Variants in PC observed in about 807,000 individuals in gnomAD.
PC encodes pyruvate carboxylase, mitochondrial.
Under a neutral mutation model 107.8 loss-of-function variants are expected in PC, and 46 were observed. The observed-to-expected ratio is 0.43, with a 90% CI of 0.34 to 0.55. The LOEUF (loss-of-function observed/expected upper bound fraction) is 0.55, where lower values mean the gene tolerates loss of function less well. Among genes scored for constraint, PC ranks in the 20% least tolerant of loss-of-function variants. PC has a pLI of 0.04. For synonymous variants in PC, 662 were observed against 684.7 expected, an observed-to-expected ratio of 0.97 and a Z score of 0.52; for missense variants, 1,241 against 1,643.1, an observed-to-expected ratio of 0.76 and a Z score of 4.23.
At position 66,870,260 on chromosome 11, in the gene PC, G is replaced by A; in HGVS notation, c.903+42C>T. 1 of 1,609,562 alleles carries A rather than the reference G, an allele frequency of 6.2e-7. No homozygotes were observed. The highest frequency in any genetic ancestry group is 8.5e-7 in the Non-Finnish European group (1 of 1,179,636). On this transcript the variant is annotated intron_variant, in intron 9 of 22. Coordinates refer to ENST00000393960, the MANE Select transcript of PC (RefSeq NM_001040716.2). This position sits in a 1 kb window ranked among gnomAD's most constrained non-coding sequence, Gnocchi z 6.1. ...CCCACTGTGAGGCCTGCCGGCCTGT[G>A]AGCACAGGCTCCTGTCCCAACACGG...
chr11:66,873,256 C>T (rs1406963893), intron 3 of PC, among the ~76,000 whole-genome samples: 2 of 145,048 alleles, frequency 1.4e-5, no homozygotes, highest in African/African-American at 5.2e-5. Context: ...ATGAGAATCA[C>T]TTGAGCCTGG....
Position 66,942,545 on chromosome 11 carries a change from G to A in PC, c.-1+9885C>T, listed in dbSNP as rs1442990296. Among the ~76,000 whole-genome samples the A allele has an allele frequency of 5.3e-5, 8 of 152,298 alleles. No individual in the cohort carries two copies. In the East Asian group the frequency reaches 9.6e-4, roughly 18 times the overall value. The stretch of plus-strand genomic sequence containing the variant: ...GGTGCCTAGAGCAGTCCAATTCAGA[G>A]ACAGAAAGTAGAATGGTGGGTGCCA... On this transcript the variant is annotated intron_variant, in intron 3 of 22. Coordinates refer to ENST00000393960, the MANE Select transcript of PC (RefSeq NM_001040716.2).
Position 66,858,457 on chromosome 11 carries a change from G to A in PC, c.1369-5074C>T, listed in dbSNP as rs1187936493. The stretch of plus-strand genomic sequence containing the variant: ...AGCTTTAGCGGGAACCCCCTGCACT[G>A]CAACTGTGAGCTGCTGTGGCTGCGG... On this transcript the variant is annotated intron_variant, in intron 12 of 22. Coordinates refer to ENST00000393960, the MANE Select transcript of PC (RefSeq NM_001040716.2). This position sits in a 1 kb window ranked among gnomAD's most constrained non-coding sequence, Gnocchi z 5.9. 6.5e-7 allele frequency: 1 copy of A among 1,550,150 alleles called. No homozygotes were observed. The highest frequency in any genetic ancestry group is 8.7e-7 in the Non-Finnish European group (1 of 1,154,316).
intron 3 of PC, among the ~76,000 whole-genome samples, chr11:66,886,404 G>A (rs569750494): frequency 2.6e-5 from 4 of 152,116 alleles, no homozygotes; most frequent in Non-Finnish European, 4.4e-5. Flanking sequence ...CCTCTATGTC[G>A]GGATGCTATG....
Position 66,852,377 on chromosome 11 carries a change from G to T in PC, c.1825+62C>A. 7.4e-7 allele frequency: 1 copy of T among 1,344,462 alleles called. No homozygotes were observed. The highest frequency in any genetic ancestry group is 1.1e-6 in the Non-Finnish European group (1 of 935,228). 83.3% of individuals were successfully genotyped at this position (1,344,462 alleles called of 1,614,324 possible). On this transcript the variant is annotated intron_variant, in intron 15 of 22. Coordinates refer to ENST00000393960, the MANE Select transcript of PC (RefSeq NM_001040716.2). The surrounding 1 kb of genome is among the most constrained non-coding windows in gnomAD (Gnocchi z 4.7). ...AGCTTGTCCCCAGTGGCCTAAGCCTGTGGGACTGGCCACAGAGCGGGCGCC... is the reference window on the plus strand; with the variant it reads ...AGCTTGTCCCCAGTGGCCTAAGCCTTTGGGACTGGCCACAGAGCGGGCGCC...
At chr11:66,862,736 GC>G (rs538380411) in intron 12 of PC, among the ~76,000 whole-genome samples, 9 of 152,322 alleles carry the variant, frequency 5.9e-5, no homozygotes, top group Middle Eastern at 3.4e-3. Context: ...CAGTAACAGA[GC>G]CCAGCAAAGG....
At chr11:66,913,072 T>C (rs4930394) in intron 3 of PC, among the ~76,000 whole-genome samples, 78,553 of 151,900 alleles carry the variant, frequency 0.52, 20,634 homozygotes, top group Non-Finnish European at 0.55. Flanking sequence ...CGGGTGGGAA[T>C]GAATTTCTCA....
Position 66,866,044 on chromosome 11 carries a change from G to A in PC, c.1185+143C>T, listed in dbSNP as rs1219839523. 8 of 930,870 alleles carry A rather than the reference G, an allele frequency of 8.6e-6. No individual in the cohort carries two copies. Among genetic ancestry groups the A allele is most frequent in the Admixed American group, 2.3e-5 (1 of 43,930 alleles). The allele number at this position is 930,870 out of a possible 1,614,324, so 57.7% of individuals were successfully genotyped here. ...CCTCCTCTGGGCACTGCCTGCCTCCGTGTACTCTATGTCCACTTCAGAGCC... is the reference window on the plus strand; with the variant it reads ...CCTCCTCTGGGCACTGCCTGCCTCCATGTACTCTATGTCCACTTCAGAGCC... On this transcript the variant is annotated intron_variant, in intron 11 of 22. Coordinates refer to ENST00000393960, the MANE Select transcript of PC (RefSeq NM_001040716.2). The surrounding 1 kb of genome is among the most constrained non-coding windows in gnomAD (Gnocchi z 5.4).
intron 1 of PC, among the ~76,000 whole-genome samples, chr11:66,957,004 T>C (rs1478318465): frequency 6.6e-6 from 1 of 152,164 alleles, no homozygotes; most frequent in Admixed American, 6.5e-5. Flanking sequence ...ACACTGTAGG[T>C]GTGCAAAAGA....
At position 66,852,934 on chromosome 11, in the gene PC, C is replaced by A; in HGVS notation, c.1514-98G>T. 1 of 942,882 alleles carries A rather than the reference C, an allele frequency of 1.1e-6. No homozygotes were observed. Among genetic ancestry groups the A allele is most frequent in the South Asian group, 1.7e-5 (1 of 59,692 alleles). 58.4% of individuals were successfully genotyped at this position (942,882 alleles called of 1,614,324 possible). A position where few individuals can be genotyped will look rare whatever the true frequency, so the allele number is the denominator to read the frequency against. On this transcript the variant is annotated intron_variant, in intron 13 of 22. Transcript: ENST00000393960. The surrounding 1 kb of genome is among the most constrained non-coding windows in gnomAD (Gnocchi z 4.7). Reference sequence around the variant, plus strand: ...TGGGCTCAGGGACAGGGACACATCCCTCCAGGATCCCCGGGCTTCCAGCTG... The same window carrying A: ...TGGGCTCAGGGACAGGGACACATCCATCCAGGATCCCCGGGCTTCCAGCTG...
At chr11:66,947,172 CA>C (rs1343778418) in intron 3 of PC, among the ~76,000 whole-genome samples, 1 of 152,052 alleles carries the variant, frequency 6.6e-6, no homozygotes, top group Non-Finnish European at 1.5e-5. Flanking sequence ...TATGTTCACA[CA>C]AAGACTTATA....
intron 3 of PC, among the ~76,000 whole-genome samples, chr11:66,921,226 T>A (rs1948588782): frequency 6.6e-6 from 1 of 152,188 alleles, no homozygotes; most frequent in Non-Finnish European, 1.5e-5. Flanking sequence ...AAAACCCAGC[T>A]GCTTGCTAAA....
chr11:66,948,767 G>A (rs1949367674), intron 3 of PC, among the ~76,000 whole-genome samples: 1 of 152,044 alleles, frequency 6.6e-6, no homozygotes, highest in Non-Finnish European at 1.5e-5. Context: ...CTGAGCCTAG[G>A]AGGTAGAGGT....
chr11:66,851,435 C>G (rs957756881), intron 16 of PC, among the ~76,000 whole-genome samples, 155 bp from the exon 17 acceptor site: 1 of 152,142 alleles, frequency 6.6e-6, no homozygotes, highest in African/African-American at 2.4e-5. Context: ...GGGGGGTGGC[C>G]ACACAAGTGT....
chr11:66,914,900 C>T (rs772840289), intron 3 of PC, among the ~76,000 whole-genome samples: 1 of 152,036 alleles, frequency 6.6e-6, no homozygotes, highest in Admixed American at 6.6e-5. Context: ...TGTGGTGGTA[C>T]GTGCCTATGA....
intron 3 of PC, among the ~76,000 whole-genome samples, chr11:66,910,160 C>T (rs1293339963): frequency 6.6e-6 from 1 of 152,144 alleles, no homozygotes; most frequent in Non-Finnish European, 1.5e-5. Context: ...TGCGCTGCTG[C>T]CCTGGCGAAC....
In PC at chr11:66,851,039, C is replaced by T; in HGVS notation, c.2223+1G>A. 6.2e-7 allele frequency: 1 copy of T among 1,612,738 alleles called. No individual in the cohort carries two copies. Among genetic ancestry groups the T allele is most frequent in the African/African-American group, 1.3e-5 (1 of 75,026 alleles). ...GAGGGACGGACAAGTGGCCCAGGCA[C>T]CTTGATGCACAGGATGTGGGTGCCA... On this transcript the variant is annotated splice_donor_variant, in intron 17 of 22. Transcript: ENST00000393960. LOFTEE classifies it high-confidence loss of function.
At chr11:66,887,722 C>T (rs1454145334) in intron 3 of PC, among the ~76,000 whole-genome samples, 1 of 152,194 alleles carries the variant, frequency 6.6e-6, no homozygotes, top group African/African-American at 2.4e-5. Context: ...CTGAAGGACG[C>T]GTATCCATGT....
At chr11:66,931,384 G>GAAAAAA (rs60081578) in intron 3 of PC, among the ~76,000 whole-genome samples, 4 of 84,936 alleles carry the variant, frequency 4.7e-5, no homozygotes, top group Admixed American at 1.5e-4. Flanking sequence ...TCCATCTCAA[G>GAAAAAA]AAAAAAAAAA....
Sources: allele counts gnomAD v4.1 joint callset (sites outside exome capture counted in the v4.1 genomes callset), GRCh38; gene constraint gnomAD v4.1.1; non-coding constraint Gnocchi (gnomAD v3.1); transcripts MANE v1.5; gene names NCBI Gene and HGNC (gene_info 2026-07-23, HGNC 2026-07-21).